KRR1: variants seen among roughly 807,000 people sequenced by gnomAD.
KRR1 encodes KRR1 small subunit processome component.
A neutral mutation model predicts 50.0 loss-of-function variants in KRR1; 23 were observed. The ratio of observed to expected loss-of-function variants is 0.46; its 90% CI spans 0.33 to 0.65. KRR1 has a LOEUF of 0.65. Ranked by LOEUF, KRR1 falls within the 30% of genes least tolerant of loss-of-function variation. The probability of loss-of-function intolerance (pLI) is 0.02; values close to 1 mark genes in which losing one functional copy is unlikely to be tolerated. For synonymous variants in KRR1, 133 were observed against 146.3 expected (o/e 0.91, Z 0.66); for missense variants, 419 against 442.4 (o/e 0.95, Z 0.47).
At position 75,498,681 on chromosome 12, in the gene KRR1, CCT is replaced by C. The variant is rs1491044921; in HGVS notation, c.*1126_*1127del. On this transcript the variant is annotated 3_prime_UTR_variant, in exon 10 of 10. Coordinates refer to ENST00000229214, the MANE Select transcript of KRR1 (RefSeq NM_007043.7). ...CTTTTAATTTTTTTTCTTTCTTCCC[CCT>C]AACTTTACAGTTAACCGACAGCGAG... 4 of 1,608,796 alleles carry C rather than the reference CCT, an allele frequency of 2.5e-6. No individual in the cohort carries two copies. The highest frequency in any genetic ancestry group is 1.3e-5 in the African/African-American group (1 of 74,822).
Position 75,511,556 on chromosome 12 carries a change from T to G in KRR1, c.42A>C (p.Gly14=). Residue 14 remains glycine, a synonymous_variant, in exon 1 of 10, where the codon GGA becomes GGC. Transcript: ENST00000229214. ...PSLERPEKGA[G]KSEFRNQKPK... Reference sequence around the variant, plus strand: ...GCTTCTGGTTACGAAATTCACTTTTTCCAGCGCCTTTTTCTGGCCGCTCCA... The same window carrying G: ...GCTTCTGGTTACGAAATTCACTTTTGCCAGCGCCTTTTTCTGGCCGCTCCA... The G allele has an allele frequency of 6.2e-7, 1 of 1,614,114 alleles. No individual in the cohort carries two copies. Among genetic ancestry groups the G allele is most frequent in the East Asian group, 2.2e-5 (1 of 44,880 alleles).
In KRR1 at chr12:75,495,552, T is replaced by C; in HGVS notation, c.*4257A>G. The C allele has an allele frequency of 2.2e-6, 3 of 1,377,538 alleles. No individual in the cohort carries two copies. Among genetic ancestry groups the C allele is most frequent in the Non-Finnish European group, 3.1e-6 (3 of 968,346 alleles). 85.3% of individuals were successfully genotyped at this position (1,377,538 alleles called of 1,614,324 possible). On this transcript the variant is annotated 3_prime_UTR_variant, in exon 10 of 10. Transcript: ENST00000229214. ...TTTTAAAAAACCGAAAAACTTCTAA[T>C]GGACATCCTTCTTCTGCTTTACAGA... is the stretch of plus-strand genomic sequence containing the variant.
chr12:75,505,549 T>C (rs1453529980), intron 5 of KRR1, among the ~76,000 whole-genome samples: 1 of 152,090 alleles, frequency 6.6e-6, no homozygotes, highest in Non-Finnish European at 1.5e-5. Context: ...GGACTGCCAC[T>C]GCATACAGGA....
chr12:75,511,376 C>T lies in KRR1; in HGVS notation c.85+137G>A, dbSNP rs1594071924. ...CCGTTCCTGTGGGCCCAGCCAAAATCTTATCAGCGATTATTCAGGTACTCA... is the reference window on the plus strand; with the variant it reads ...CCGTTCCTGTGGGCCCAGCCAAAATTTTATCAGCGATTATTCAGGTACTCA... On this transcript the variant is annotated intron_variant, in intron 1 of 9. Coordinates refer to ENST00000229214, the MANE Select transcript of KRR1 (RefSeq NM_007043.7). 5.4e-5 allele frequency: 40 copies of T among 741,582 alleles called. No homozygotes were observed. In the East Asian group the frequency reaches 1.0e-3, roughly 19 times the overall value. 45.9% of individuals were successfully genotyped at this position (741,582 alleles called of 1,614,324 possible).
chr12:75,503,835 A>C, intron 7 of KRR1, 69 bp downstream of exon 7: 1 of 1,379,990 alleles, frequency 7.2e-7, no homozygotes, highest in Non-Finnish European at 9.9e-7. Context: ...AAATACTTTC[A>C]ATAAAGTTTC....
Position 75,499,262 on chromosome 12 carries a change from C to A in KRR1, c.*547G>T, listed in dbSNP as rs1407640069. 1 of 231,252 alleles carries A rather than the reference C, an allele frequency of 4.3e-6. No homozygotes were observed. The highest frequency in any genetic ancestry group is 8.3e-6 in the Non-Finnish European group (1 of 120,624). The allele number at this position is 231,252 out of a possible 1,614,324, so 14.3% of individuals were successfully genotyped here. A position where few individuals can be genotyped will look rare whatever the true frequency, so the allele number is the denominator to read the frequency against. On this transcript the variant is annotated 3_prime_UTR_variant, in exon 10 of 10. Coordinates refer to ENST00000229214, the MANE Select transcript of KRR1 (RefSeq NM_007043.7). ...GCAAAATGAGCAAGGTACAGTAGCA[C>A]ATTTTTAGGTGATTCTTAGTAACTC...
Position 75,504,061 on chromosome 12 carries a change from T to C in KRR1, c.674A>G (p.Lys225Arg). Residue 225 changes from lysine (K) to arginine (R), a missense_variant, in exon 7 of 10, where the codon AAG (lysine) becomes AGG (arginine). Physicochemically the swap from Lys to Arg is conservative, Grantham distance 26. Transcript: ENST00000229214. ...PIYNIKSLMI[K>R]RELAKDSELR... ...TTCAGAATCTTTTGCCAACTCTCTC[T>C]TAATCATTAAGCTCTTTAGTCATGC... The C allele has an allele frequency of 1.2e-6, 2 of 1,610,570 alleles. No homozygotes were observed. The highest frequency in any genetic ancestry group is 1.1e-5 in the South Asian group (1 of 90,658).
intron 7 of KRR1, chr12:75,503,450 A>C (rs1220648037): frequency 1.3e-5 from 2 of 152,472 alleles, no homozygotes; most frequent in African/African-American, 4.8e-5. Flanking sequence ...CAAGAACAAA[A>C]TGGAAACTGG....
chr12:75,501,960 G>C lies in KRR1; in HGVS notation c.872C>G (p.Ala291Gly), dbSNP rs2046397545. The change falls in exon 8 of 10, where the codon GCA (alanine) becomes GGA (glycine). Residue 291 changes from alanine (A) to glycine (G), a missense_variant. Transcript: ENST00000229214. The part of the protein sequence containing the change: ...ELASGEYFLK[A>G]NQKKRQKMEA... ...CATTTTCTGCCGCTTCTTCTGATTT[G>C]CCTTCAAAAAGTATTCACCACTAGC... The C allele has an allele frequency of 6.2e-7, 1 of 1,612,164 alleles. No homozygotes were observed. The highest frequency in any genetic ancestry group is 1.7e-5 in the Admixed American group (1 of 59,858).
chr12:75,497,124 A>AC lies in KRR1; in HGVS notation c.*2684_*2685insG, dbSNP rs1172716044. 5 of 152,204 alleles carry AC rather than the reference A, an allele frequency of 3.3e-5. No homozygotes were observed. Among genetic ancestry groups the AC allele is most frequent in the Non-Finnish European group, 7.3e-5 (5 of 68,034 alleles). 9.4% of individuals were successfully genotyped at this position (152,204 alleles called of 1,614,324 possible). A position where few individuals can be genotyped will look rare whatever the true frequency, so the allele number is the denominator to read the frequency against. Reference sequence around the variant, plus strand: ...GAACCAGTATGCCAAGTTTTGGTGCAATTTCCAGTTTGACCACTGTGACTT... The same window carrying AC: ...GAACCAGTATGCCAAGTTTTGGTGCACATTTCCAGTTTGACCACTGTGACTT... On this transcript the variant is annotated 3_prime_UTR_variant, in exon 10 of 10. Transcript: ENST00000229214.
rs1173579354 is a variant in KRR1 at position 75,492,446 on chromosome 12, C to G, written c.*7363G>C. 2.0e-5 allele frequency: 3 copies of G among 152,174 alleles called. No homozygotes were observed. The highest frequency in any genetic ancestry group is 3.8e-4 in the East Asian group (2 of 5,198). 9.4% of individuals were successfully genotyped at this position (152,174 alleles called of 1,614,324 possible). On this transcript the variant is annotated 3_prime_UTR_variant, in exon 10 of 10. Transcript: ENST00000229214. ...CTGTGTGACCCTGGACAAGTTAACT[C>G]TGAATCTCAGTTTAACCTCCAATAG... is the stretch of plus-strand genomic sequence containing the variant.
intron 9 of KRR1, chr12:75,500,745 A>AAAAG (rs1217040102): frequency 1.3e-5 from 2 of 152,146 alleles, no homozygotes; most frequent in African/African-American, 4.8e-5. Flanking sequence ...ATCACAGCAT[A>AAAAG]AAAGAATCAT....
At chr12:75,507,205 T>C (rs1364989618) in intron 2 of KRR1, among the ~76,000 whole-genome samples, 1 of 152,148 alleles carries the variant, frequency 6.6e-6, no homozygotes, top group Non-Finnish European at 1.5e-5. Context: ...ATCAAACAAA[T>C]GAGGTCATAC....
rs1467892776 is a variant in KRR1 at position 75,499,385 on chromosome 12, A to AGATTCAGAACAGAGGAGTAACTAGG, written c.*399_*423dup. 3.7e-5 allele frequency: 6 copies of AGATTCAGAACAGAGGAGTAACTAGG among 161,152 alleles called. No homozygotes were observed. The highest frequency in any genetic ancestry group is 1.4e-4 in the African/African-American group (6 of 41,854). 10.0% of individuals were successfully genotyped at this position (161,152 alleles called of 1,614,324 possible). The stretch of plus-strand genomic sequence containing the variant: ...TGTCTTTTTGGTTTACTACTTCCCC[A>AGATTCAGAACAGAGGAGTAACTAGG]GATTCAGAACAGAGGAGTAACTAGG... On this transcript the variant is annotated 3_prime_UTR_variant, in exon 10 of 10. Coordinates refer to ENST00000229214, the MANE Select transcript of KRR1 (RefSeq NM_007043.7).
chr12:75,505,159 T>G (rs1289893894), intron 6 of KRR1, 39 bp downstream of exon 6: 1 of 1,486,286 alleles, frequency 6.7e-7, no homozygotes, highest in Non-Finnish European at 9.1e-7. Context: ...AAAAGAAGTA[T>G]GATAATCACT....
intron 1 of KRR1, among the ~76,000 whole-genome samples, chr12:75,510,649 G>C (rs1311755706): frequency 6.6e-6 from 1 of 152,186 alleles, no homozygotes; most frequent in Non-Finnish European, 1.5e-5. Flanking sequence ...TACAGGAAAA[G>C]AGAATATGAT....
Position 75,496,553 on chromosome 12 carries a change from AC to A in KRR1, c.*3255del, listed in dbSNP as rs377111508. The A allele has an allele frequency of 1.9e-4, 27 of 145,358 alleles. No individual in the cohort carries two copies. The East Asian group carries it at 4.9e-3, about 26-fold the overall frequency. The allele number at this position is 145,358 out of a possible 1,614,324, so 9.0% of individuals were successfully genotyped here. A position where few individuals can be genotyped will look rare whatever the true frequency, so the allele number is the denominator to read the frequency against. On this transcript the variant is annotated 3_prime_UTR_variant, in exon 10 of 10. Transcript: ENST00000229214. ...TTTCTTGTTCTTGTTCTAGACACAA[AC>A]CCTTCCATCCCAGTATGTTTTTTTA...
In KRR1 at chr12:75,498,417, C is replaced by A. The variant is rs2046365204; in HGVS notation, c.*1392G>T. 1 of 271,700 alleles carries A rather than the reference C, an allele frequency of 3.7e-6. No homozygotes were observed. The highest frequency in any genetic ancestry group is 6.8e-6 in the Non-Finnish European group (1 of 147,226). 16.8% of individuals were successfully genotyped at this position (271,700 alleles called of 1,614,324 possible). A position where few individuals can be genotyped will look rare whatever the true frequency, so the allele number is the denominator to read the frequency against. On this transcript the variant is annotated 3_prime_UTR_variant, in exon 10 of 10. Transcript: ENST00000229214. ...AATTTTTATTTTTTAAATTTTATTACCTGCTAGGTATGATGTGTAAAATGA... is the reference window on the plus strand; with the variant it reads ...AATTTTTATTTTTTAAATTTTATTAACTGCTAGGTATGATGTGTAAAATGA...
In KRR1 at chr12:75,504,207, T is replaced by C. The variant is rs556891574; in HGVS notation, c.661-133A>G. The C allele has an allele frequency of 3.7e-4, 193 of 524,786 alleles. 1 individual carries two copies. The highest frequency in any genetic ancestry group is 5.4e-4 in the Middle Eastern group (1 of 1,864). 32.5% of individuals were successfully genotyped at this position (524,786 alleles called of 1,614,324 possible). A position where few individuals can be genotyped will look rare whatever the true frequency, so the allele number is the denominator to read the frequency against. On this transcript the variant is annotated intron_variant, in intron 6 of 9. Coordinates refer to ENST00000229214, the MANE Select transcript of KRR1 (RefSeq NM_007043.7). ...AGTTTCTTTGGTGAAATTAAACCAATTACATAAGCAAAAAGGTAGGTTATC... is the reference window on the plus strand; with the variant it reads ...AGTTTCTTTGGTGAAATTAAACCAACTACATAAGCAAAAAGGTAGGTTATC...
Sources: allele counts gnomAD v4.1 joint callset (sites outside exome capture counted in the v4.1 genomes callset), GRCh38; gene constraint gnomAD v4.1.1; transcripts MANE v1.5; gene names NCBI Gene and HGNC (gene_info 2026-07-23, HGNC 2026-07-21).